Variants in MGAT4C observed in about 807,000 individuals in gnomAD.
MGAT4C encodes alpha-1,3-mannosyl-glycoprotein 4-beta-N-acetylglucosaminyltransferase C.
MGAT4C carries 19 observed loss-of-function variants against 40.1 expected under a neutral mutation model. That is an observed-to-expected ratio of 0.47 (90% confidence interval 0.33 to 0.70). The LOEUF (loss-of-function observed/expected upper bound fraction) is 0.70, where lower values mean the gene tolerates loss of function less well. Among genes scored for constraint, MGAT4C ranks in the 30% least tolerant of loss-of-function variants. The pLI is 0.02. For missense variants in MGAT4C, 491 were observed against 563.2 expected, an observed-to-expected ratio of 0.87 and a Z score of 1.30; for synonymous variants, 181 against 187.1, an observed-to-expected ratio of 0.97 and a Z score of 0.27.
intron 1 of MGAT4C, among the ~76,000 whole-genome samples, chr12:86,828,164 A>G (rs1428712677): frequency 6.6e-6 from 1 of 151,180 alleles, no homozygotes; most frequent in East Asian, 1.9e-4. Flanking sequence ...ATATTATGGT[A>G]AAGCTAATTA....
chr12:86,329,873 T>C (rs1367801709), intron 4 of MGAT4C, among the ~76,000 whole-genome samples: 2 of 152,206 alleles, frequency 1.3e-5, no homozygotes, highest in Non-Finnish European at 2.9e-5. Flanking sequence ...GTTTCATACA[T>C]AGTTAACCCT....
At chr12:86,057,658 A>G (rs528248726) in intron 1 of MGAT4C, among the ~76,000 whole-genome samples, 1 of 152,282 alleles carries the variant, frequency 6.6e-6, no homozygotes, top group African/African-American at 2.4e-5. Flanking sequence ...GACTAAGTCC[A>G]TCTTACTGCA....
At chr12:86,700,865 T>C (rs1950349679) in intron 2 of MGAT4C, among the ~76,000 whole-genome samples, 1 of 152,152 alleles carries the variant, frequency 6.6e-6, no homozygotes, top group African/African-American at 2.4e-5. Context: ...CATTTCTTTT[T>C]CACAGTAAGA....
chr12:86,527,472 T>A (rs1218865207), intron 2 of MGAT4C, among the ~76,000 whole-genome samples: 1 of 152,142 alleles, frequency 6.6e-6, no homozygotes, highest in East Asian at 1.9e-4. Flanking sequence ...GCTTTGTCTA[T>A]TTGGGGTATT....
Position 86,051,780 on chromosome 12 carries a change from ATAGAAT to A in MGAT4C, c.-56-2063_-56-2058del, listed in dbSNP as rs1892918912. On this transcript the variant is annotated intron_variant, in intron 1 of 4. Transcript: ENST00000611864. ...GTACTATATATCTAATTAGTATTAG[ATAGAAT>A]TATAATAGATATAATTTAGTTGATT... is the stretch of plus-strand genomic sequence containing the variant. 6.6e-5 allele frequency among the ~76,000 whole-genome samples: 10 copies of A among 151,250 alleles called. No homozygotes were observed. The Admixed American group carries it at 6.6e-4, about 10-fold the overall frequency.
At chr12:86,779,266 G>A (rs1269748798) in intron 1 of MGAT4C, among the ~76,000 whole-genome samples, 1 of 151,924 alleles carries the variant, frequency 6.6e-6, no homozygotes, top group Non-Finnish European at 1.5e-5. Flanking sequence ...GGTTTTTCTC[G>A]AGAATTTTGT....
intron 3 of MGAT4C, among the ~76,000 whole-genome samples, chr12:86,374,009 T>C (rs915947752): frequency 1.3e-5 from 2 of 152,092 alleles, no homozygotes; most frequent in African/African-American, 4.8e-5. Context: ...TAGGTCCTTA[T>C]GACACAGGAA....
At chr12:86,000,086 C>T (rs1404934624) in intron 2 of MGAT4C, among the ~76,000 whole-genome samples, 1 of 151,988 alleles carries the variant, frequency 6.6e-6, no homozygotes, top group African/African-American at 2.4e-5. Context: ...ACAATGTATA[C>T]ACATGCATTG....
chr12:86,509,469 T>C (rs1405081534), intron 2 of MGAT4C, among the ~76,000 whole-genome samples: 1 of 152,192 alleles, frequency 6.6e-6, no homozygotes, highest in Non-Finnish European at 1.5e-5. Flanking sequence ...TGTAACCTTG[T>C]AGTATAGTTT....
At chr12:86,412,906 C>T (rs7960667) in intron 3 of MGAT4C, among the ~76,000 whole-genome samples, 3,266 of 152,142 alleles carry the variant, frequency 0.021, 49 homozygotes, top group Middle Eastern at 0.041. Flanking sequence ...GAGGTTCTCA[C>T]GATAGTGAGT....
At chr12:86,590,704 T>A (rs562250885) in intron 2 of MGAT4C, among the ~76,000 whole-genome samples, 1 of 151,934 alleles carries the variant, frequency 6.6e-6, no homozygotes, top group Non-Finnish European at 1.5e-5. Context: ...CAAAAAAAAA[T>A]TGAGAGATCA....
intron 2 of MGAT4C, among the ~76,000 whole-genome samples, chr12:86,562,408 TG>T (rs924142032): frequency 5.3e-5 from 8 of 152,074 alleles, no homozygotes; most frequent in African/African-American, 1.9e-4. Flanking sequence ...CTGATGATGC[TG>T]GGGGCGCTGA....
At chr12:86,310,154 ATTT>A (rs1368528366) in intron 4 of MGAT4C, among the ~76,000 whole-genome samples, 1 of 145,240 alleles carries the variant, frequency 6.9e-6, no homozygotes. Context: ...CTCAAACTCA[ATTT>A]TTTTTTTTTT....
At chr12:86,654,766 T>A (rs902394561) in intron 2 of MGAT4C, among the ~76,000 whole-genome samples, 3 of 151,716 alleles carry the variant, frequency 2.0e-5, no homozygotes, top group African/African-American at 7.3e-5. Flanking sequence ...ACTCTTTGAA[T>A]TTTTCTCTGG....
rs369495778 is a variant in MGAT4C, at chr12:86,668,025, C to T, written c.-229+59184G>A. On this transcript the variant is annotated intron_variant, in intron 2 of 7. Coordinates refer to the MGAT4C transcript ENST00000548651. ...AATTCAATTCTTTTGACACAATAGC[C>T]TATGGCTTAATTTAGTGACAAATAA... 5.3e-5 allele frequency among the ~76,000 whole-genome samples: 8 copies of T among 152,288 alleles called. No homozygotes were observed. The East Asian group carries it at 1.5e-3, about 29-fold the overall frequency.
At chr12:86,514,629 T>G (rs1259940070) in intron 2 of MGAT4C, among the ~76,000 whole-genome samples, 1 of 152,190 alleles carries the variant, frequency 6.6e-6, no homozygotes, top group East Asian at 1.9e-4. Context: ...GCCTTTCTCT[T>G]CCAGATAAAA....
At chr12:86,631,236 T>G (rs986576373) in intron 2 of MGAT4C, among the ~76,000 whole-genome samples, 6 of 152,058 alleles carry the variant, frequency 3.9e-5, no homozygotes, top group African/African-American at 9.7e-5. Context: ...TACAAACCAC[T>G]GCTCAATGAA....
chr12:86,392,659 C>T (rs1446569313), intron 3 of MGAT4C, among the ~76,000 whole-genome samples: 1 of 152,120 alleles, frequency 6.6e-6, no homozygotes, highest in Admixed American at 6.6e-5. Context: ...TAAGGGTGTA[C>T]AGGAATTAAA....
intron 1 of MGAT4C, among the ~76,000 whole-genome samples, chr12:86,171,721 T>C (rs1233839076): frequency 6.6e-6 from 1 of 152,186 alleles, no homozygotes; most frequent in East Asian, 1.9e-4. Context: ...AATTACATTA[T>C]AGAAATTTCC....
Sources: allele counts gnomAD v4.1 joint callset (sites outside exome capture counted in the v4.1 genomes callset), GRCh38; gene constraint gnomAD v4.1.1; transcripts MANE v1.5; gene names NCBI Gene and HGNC (gene_info 2026-07-23, HGNC 2026-07-21).